Variants in MSRA observed in about 807,000 individuals in gnomAD.
MSRA encodes mitochondrial peptide methionine sulfoxide reductase.
A neutral mutation model predicts 31.3 loss-of-function variants in MSRA; 54 were observed. That is an observed-to-expected ratio of 1.73 (90% CI 1.39 to 2.17). The LOEUF is 2.17. MSRA is among the 30% of genes most tolerant of loss of function. The pLI, the probability that MSRA is intolerant of heterozygous loss-of-function variation, is 0.00. For missense variants in MSRA, 507 were observed against 300.9 expected (o/e 1.69, Z -5.07); for synonymous variants, 169 against 116.5 (o/e 1.45, Z -2.90).
At chr8:10,393,754 A>T (rs1806914722) in intron 5 of MSRA, among the ~76,000 whole-genome samples, 1 of 152,230 alleles carries the variant, frequency 6.6e-6, no homozygotes, top group African/African-American at 2.4e-5. Flanking sequence ...CGTGGTTGTT[A>T]TACAGGTACA....
chr8:10,408,871 C>G (rs1010422057), intron 5 of MSRA, among the ~76,000 whole-genome samples: 7 of 152,166 alleles, frequency 4.6e-5, no homozygotes, highest in Non-Finnish European at 1.0e-4. Flanking sequence ...CTCCAGTTCT[C>G]TCCACATTGC....
At chr8:10,320,154 C>A in intron 5 of MSRA, 165 bp downstream of exon 5, 1 of 505,302 alleles carries the variant, frequency 2.0e-6, no homozygotes, top group Non-Finnish European at 3.5e-6. Flanking sequence ...GTGTCTAATA[C>A]GTGTGCTAAA....
chr8:10,132,220 C>G (rs12545469), intron 1 of MSRA, among the ~76,000 whole-genome samples: 61,058 of 152,028 alleles, frequency 0.4, 12,779 homozygotes, highest in East Asian at 0.57. Context: ...AGTTAATTCT[C>G]CCCTTTCACA....
chr8:10,294,370 G>C (rs1332704086), intron 3 of MSRA, among the ~76,000 whole-genome samples: 1 of 152,194 alleles, frequency 6.6e-6, no homozygotes, highest in Non-Finnish European at 1.5e-5. Flanking sequence ...GCCTGTGCTG[G>C]GCCAGACTGC....
chr8:10,425,135 G>A (rs1386937890), intron 5 of MSRA, among the ~76,000 whole-genome samples: 1 of 151,994 alleles, frequency 6.6e-6, no homozygotes, highest in African/African-American at 2.4e-5. Flanking sequence ...CTCAGTTTTG[G>A]CGGTGGGTGG....
At chr8:10,101,198 T>G (rs1324800032) in intron 1 of MSRA, among the ~76,000 whole-genome samples, 1 of 152,200 alleles carries the variant, frequency 6.6e-6, no homozygotes, top group Non-Finnish European at 1.5e-5. Flanking sequence ...TATGTAAACC[T>G]AATTTCTTCA....
chr8:10,336,651 C>T (rs1333671981), intron 5 of MSRA: 2 of 152,124 alleles, frequency 1.3e-5, no homozygotes, highest in African/African-American at 2.4e-5. Flanking sequence ...CTTTTTGTTG[C>T]TCTGTGTAGC....
chr8:10,428,468 G>T lies in MSRA; in HGVS notation c.*156G>T. On this transcript the variant is annotated 3_prime_UTR_variant, in exon 6 of 6. Transcript: ENST00000317173. Reference sequence around the variant, plus strand: ...TACCGAAGTATAATCTATAGGAGGCGCGATGGCAAGTTGATAAAATGTGAC... The same window carrying T: ...TACCGAAGTATAATCTATAGGAGGCTCGATGGCAAGTTGATAAAATGTGAC... 1 of 749,462 alleles carries T rather than the reference G, an allele frequency of 1.3e-6. No individual in the cohort carries two copies. The allele number at this position is 749,462 out of a possible 1,614,324, so 46.4% of individuals were successfully genotyped here.
chr8:10,367,703 C>T (rs1361536413), intron 5 of MSRA, among the ~76,000 whole-genome samples: 2 of 152,246 alleles, frequency 1.3e-5, no homozygotes, highest in African/African-American at 2.4e-5. Context: ...GGGCTCCGAT[C>T]GCGGGCATCC....
At chr8:10,399,488 CTT>C (rs1478691994) in intron 5 of MSRA, among the ~76,000 whole-genome samples, 1 of 152,138 alleles carries the variant, frequency 6.6e-6, no homozygotes, top group Non-Finnish European at 1.5e-5. Flanking sequence ...TCTCCGGTCT[CTT>C]TTGTTCCTGC....
intron 4 of MSRA, among the ~76,000 whole-genome samples, chr8:10,319,304 A>G (rs1054799030): frequency 6.6e-6 from 1 of 152,140 alleles, no homozygotes; most frequent in African/African-American, 2.4e-5. Flanking sequence ...TCACACTCAG[A>G]TAGAAACTGA....
intron 5 of MSRA, among the ~76,000 whole-genome samples, chr8:10,419,886 T>C (rs78380721): frequency 0.015 from 2,271 of 152,284 alleles, 55 homozygotes; most frequent in African/African-American, 0.052. Context: ...GGCCAAGCCA[T>C]ATGCTTGGGG....
intron 1 of MSRA, among the ~76,000 whole-genome samples, chr8:10,137,125 C>G (rs995926918): frequency 6.6e-6 from 1 of 152,316 alleles, no homozygotes; most frequent in Non-Finnish European, 1.5e-5. Flanking sequence ...TTTAACAGAA[C>G]AAAGCTCGTC....
At position 10,188,076 on chromosome 8, in the gene MSRA, A is replaced by G. The variant is rs149269943; in HGVS notation, c.143-19757A>G. 4.9e-3 allele frequency among the ~76,000 whole-genome samples: 741 copies of G among 152,372 alleles called. 15 individuals are homozygous for G. The highest frequency in any genetic ancestry group is 0.017 in the African/African-American group (716 of 41,588). On this transcript the variant is annotated intron_variant, in intron 1 of 5. Transcript: ENST00000317173. The stretch of plus-strand genomic sequence containing the variant: ...GATTAAAAAAAATACTTCTTTTGAA[A>G]TAGTTGAAGACTGAAGAGAAGCTGC...
intron 1 of MSRA, among the ~76,000 whole-genome samples, chr8:10,073,590 G>C (rs1797847649): frequency 6.6e-6 from 1 of 151,364 alleles, no homozygotes; most frequent in South Asian, 2.1e-4. Context: ...CCTATCTCTT[G>C]ATATTCTACC....
At chr8:10,402,821 A>G (rs887546944) in intron 5 of MSRA, among the ~76,000 whole-genome samples, 8 of 152,220 alleles carry the variant, frequency 5.3e-5, no homozygotes, top group Admixed American at 2.6e-4. Context: ...GAGACTTTCC[A>G]GACTTGAGAT....
rs189398176 is a variant in MSRA at position 10,135,649 on chromosome 8, C to A, written c.143-72184C>A. Among the ~76,000 whole-genome samples the A allele has an allele frequency of 2.6e-5, 4 of 152,274 alleles. No homozygotes were observed. The East Asian group carries it at 7.7e-4, about 29-fold the overall frequency. ...CCAGCTGAATATAAGATGAAAGCAA[C>A]ATTCTGTGCATTCGCGTGCCCCTAT... is the stretch of plus-strand genomic sequence containing the variant. On this transcript the variant is annotated intron_variant, in intron 1 of 5. Transcript: ENST00000317173.
At chr8:10,299,464 T>C (rs1800725627) in intron 3 of MSRA, among the ~76,000 whole-genome samples, 1 of 152,174 alleles carries the variant, frequency 6.6e-6, no homozygotes, top group Admixed American at 6.5e-5. Flanking sequence ...TCCACTGTCA[T>C]TCTTTTCATA....
chr8:10,219,855 A>C (rs2129066761), intron 2 of MSRA, among the ~76,000 whole-genome samples: 1 of 150,396 alleles, frequency 6.6e-6, no homozygotes. Context: ...AGTACAATGT[A>C]CACCTTTTTG....
Sources: gnomAD v4.1 joint callset for allele counts (sites outside exome capture counted in the v4.1 genomes callset) on GRCh38, gnomAD v4.1.1 for gene constraint, MANE v1.5 for transcripts, NCBI Gene and HGNC (gene_info 2026-07-23, HGNC 2026-07-21) for gene names.